SGCD: variants seen among roughly 807,000 people sequenced by gnomAD.
SGCD encodes the protein sarcoglycan delta, also known as delta-sarcoglycan.
Under a neutral mutation model 36.6 loss-of-function variants are expected in SGCD, and 18 were observed. The ratio of observed to expected loss-of-function variants is 0.49; its 90% confidence interval spans 0.34 to 0.73. The LOEUF is 0.73. SGCD is among the 30% of genes least tolerant of loss of function. The pLI is 0.01. For synonymous variants in SGCD, 133 were observed against 130.6 expected (o/e 1.02, Z -0.12); for missense variants, 387 against 346.7 (o/e 1.12, Z -0.92).
chr5:156,127,005 A>G (rs920437170), intron 3 of SGCD, among the ~76,000 whole-genome samples: 1 of 152,210 alleles, frequency 6.6e-6, no homozygotes, highest in African/African-American at 2.4e-5. Context: ...TTTAAAAACC[A>G]CTGCTTAACC....
At chr5:156,726,297 A>G (rs186369331) in intron 7 of SGCD, among the ~76,000 whole-genome samples, 1 of 152,274 alleles carries the variant, frequency 6.6e-6, no homozygotes, top group East Asian at 1.9e-4. Context: ...GGGCATCTGG[A>G]CATGTCCAAA....
intron 7 of SGCD, among the ~76,000 whole-genome samples, chr5:156,742,226 G>A (rs1325972355): frequency 2.0e-5 from 3 of 152,036 alleles, no homozygotes; most frequent in Non-Finnish European, 2.9e-5. Context: ...TTAACTCAGC[G>A]ATACGGAAAT....
chr5:156,010,497 G>A (rs1376619697), intron 1 of SGCD, among the ~76,000 whole-genome samples: 1 of 152,094 alleles, frequency 6.6e-6, no homozygotes, highest in African/African-American at 2.4e-5. Context: ...TCAAATGCAG[G>A]ACTGCAATAG....
At chr5:156,174,266 CT>C (rs1349812168) in intron 3 of SGCD, among the ~76,000 whole-genome samples, 2 of 152,144 alleles carry the variant, frequency 1.3e-5, no homozygotes, top group Non-Finnish European at 2.9e-5. Flanking sequence ...GAGAGGCTTA[CT>C]TTAGATAACA....
At chr5:156,257,965 A>T (rs1297608627) in intron 3 of SGCD, among the ~76,000 whole-genome samples, 1 of 152,214 alleles carries the variant, frequency 6.6e-6, no homozygotes, top group Non-Finnish European at 1.5e-5. Context: ...TTTGAATAAT[A>T]TGTGCGGTAA....
At chr5:155,732,479 A>G in the SGCD span, among the ~76,000 whole-genome samples, 6 of 151,988 alleles carry the variant, frequency 3.9e-5, no homozygotes, top group African/African-American at 7.3e-5. Context: ...CTCCCTCCCC[A>G]CTCTACCATT....
At chr5:156,040,209 G>C (rs1200717070) in intron 1 of SGCD, among the ~76,000 whole-genome samples, 1 of 152,150 alleles carries the variant, frequency 6.6e-6, no homozygotes, top group Non-Finnish European at 1.5e-5. Context: ...ACATTAAGCA[G>C]ACCATTTGCT....
chr5:156,466,694 A>G (rs1754733448), intron 3 of SGCD, among the ~76,000 whole-genome samples: 1 of 152,194 alleles, frequency 6.6e-6, no homozygotes, highest in South Asian at 2.1e-4. Flanking sequence ...GAGAAACATT[A>G]TGATGTAGAA....
intron 4 of SGCD, among the ~76,000 whole-genome samples, chr5:156,525,870 T>G (rs960489820): frequency 6.6e-6 from 1 of 152,196 alleles, no homozygotes; most frequent in Non-Finnish European, 1.5e-5. Flanking sequence ...TTGGTAATTT[T>G]GTTGAAAATT....
chr5:156,115,228 A>G (rs1561525356), intron 1 of SGCD, among the ~76,000 whole-genome samples: 2 of 152,166 alleles, frequency 1.3e-5, no homozygotes, highest in Non-Finnish European at 2.9e-5. Flanking sequence ...CAAATGATGC[A>G]TAATCTTACC....
Position 156,761,666 on chromosome 5 carries a change from T to A in SGCD, c.*2276T>A, listed in dbSNP as rs1330396302. 6.6e-6 allele frequency: 1 copy of A among 152,176 alleles called. No homozygotes were observed. Among genetic ancestry groups the A allele is most frequent in the Admixed American group, 6.5e-5 (1 of 15,280 alleles). The allele number at this position is 152,176 out of a possible 1,614,324, so 9.4% of individuals were successfully genotyped here. On this transcript the variant is annotated 3_prime_UTR_variant, in exon 9 of 9. Transcript: ENST00000337851. ...TGTCTTTGCATTTTGCCATCTGAAGTTCATTAATCTTTAGATGACAAAAAA... is the reference window on the plus strand; with the variant it reads ...TGTCTTTGCATTTTGCCATCTGAAGATCATTAATCTTTAGATGACAAAAAA...
chr5:156,292,950 G>A (rs2127679068), intron 3 of SGCD, among the ~76,000 whole-genome samples: 1 of 152,038 alleles, frequency 6.6e-6, no homozygotes, highest in East Asian at 1.9e-4. Context: ...GAGTTACTTT[G>A]TTTATTTTTA....
rs17053531 is a variant in SGCD, at chr5:156,393,262, G to T, written c.192+48585G>T. Among the ~76,000 whole-genome samples the T allele has an allele frequency of 4.6e-5, 7 of 152,072 alleles. No individual in the cohort carries two copies. In the East Asian group the frequency reaches 9.7e-4, roughly 21 times the overall value. ...TGATCTAAGACCTCAAATGTTAGGGGTATTTATTTTCACAAGAATCCTATA... is the reference window on the plus strand; with the variant it reads ...TGATCTAAGACCTCAAATGTTAGGGTTATTTATTTTCACAAGAATCCTATA... On this transcript the variant is annotated intron_variant, in intron 3 of 8. Coordinates refer to ENST00000337851, the MANE Select transcript of SGCD (RefSeq NM_000337.6).
chr5:156,434,648 T>C (rs1414929072), intron 3 of SGCD, among the ~76,000 whole-genome samples: 1 of 152,188 alleles, frequency 6.6e-6, no homozygotes, highest in Non-Finnish European at 1.5e-5. Context: ...GGCCTGTCAC[T>C]GGGAATGTGA....
At chr5:156,263,453 T>A (rs1047540779) in intron 3 of SGCD, among the ~76,000 whole-genome samples, 3 of 152,172 alleles carry the variant, frequency 2.0e-5, no homozygotes, top group Non-Finnish European at 4.4e-5. Context: ...AAGTTTTTTT[T>A]CTTGCTAATT....
Position 155,934,323 on chromosome 5 carries a change from T to C in SGCD, c.-282+63899T>C, listed in dbSNP as rs375283381. On this transcript the variant is annotated intron_variant, in intron 1 of 9. Transcript: ENST00000517913. ...AAGCCGTGAAAATGGCCTGACTTAG[T>C]TGGCATCTTGCTCACATCCCAGAGC... 2.6e-4 allele frequency among the ~76,000 whole-genome samples: 40 copies of C among 152,372 alleles called. No individual in the cohort carries two copies. The East Asian group carries it at 4.4e-3, about 17-fold the overall frequency.
chr5:155,781,678 C>A, the SGCD span, among the ~76,000 whole-genome samples: 1 of 151,954 alleles, frequency 6.6e-6, no homozygotes, highest in Non-Finnish European at 1.5e-5. Context: ...GCTATGTTGC[C>A]CAGGCTGGCC....
At chr5:156,650,451 G>A (rs2113596458) in intron 7 of SGCD, among the ~76,000 whole-genome samples, 1 of 152,172 alleles carries the variant, frequency 6.6e-6, no homozygotes, top group East Asian at 1.9e-4. Flanking sequence ...GGTAGTAAGA[G>A]TAATACCCAA....
chr5:156,725,052 G>A (rs771933393), intron 7 of SGCD, among the ~76,000 whole-genome samples: 12 of 152,198 alleles, frequency 7.9e-5, no homozygotes, highest in Non-Finnish European at 1.0e-4. Context: ...TAAGGGTGGC[G>A]ATGCCACTCA....
Sources: allele counts gnomAD v4.1 joint callset (sites outside exome capture counted in the v4.1 genomes callset), GRCh38; gene constraint gnomAD v4.1.1; transcripts MANE v1.5; gene names NCBI Gene and HGNC (gene_info 2026-07-23, HGNC 2026-07-21).